Variants in DLGAP2 observed in about 807,000 individuals in gnomAD.
DLGAP2 encodes disks large-associated protein 2.
Under a neutral mutation model 100.3 loss-of-function variants are expected in DLGAP2, and 26 were observed. The ratio of observed to expected loss-of-function variants is 0.26; its 90% CI spans 0.19 to 0.36. The LOEUF is 0.36. Ranked by LOEUF, DLGAP2 falls within the 10% of genes least tolerant of loss-of-function variation. The pLI is 1.00. For synonymous variants in DLGAP2, 886 were observed against 630.1 expected, an observed-to-expected ratio of 1.41 and a Z score of -6.08; for missense variants, 1,858 against 1,453.2, an observed-to-expected ratio of 1.28 and a Z score of -4.53.
At chr8:1,151,157 T>C (rs1307807083) in intron 2 of DLGAP2, among the ~76,000 whole-genome samples, 2 of 152,240 alleles carry the variant, frequency 1.3e-5, no homozygotes. Flanking sequence ...TTTTATTCAC[T>C]TAACCACGTC....
chr8:822,288 C>T (rs1048639890), intron 1 of DLGAP2: 25 of 398,982 alleles, frequency 6.3e-5, no homozygotes, highest in African/African-American at 4.7e-4. Context: ...GTGCTCCACC[C>T]GGGGAGGGGC....
At chr8:1,175,256 C>T (rs1341880095) in intron 2 of DLGAP2, among the ~76,000 whole-genome samples, 1 of 151,866 alleles carries the variant, frequency 6.6e-6, no homozygotes, top group East Asian at 1.9e-4. Flanking sequence ...AAAAAAAAAC[C>T]TAAGAAGTGT....
At chr8:906,859 G>A (rs984017276) in intron 1 of DLGAP2, among the ~76,000 whole-genome samples, 4 of 152,196 alleles carry the variant, frequency 2.6e-5, no homozygotes, top group Non-Finnish European at 4.4e-5. Flanking sequence ...TTCTGTCTCT[G>A]TTGATTTGCA....
intron 2 of DLGAP2, among the ~76,000 whole-genome samples, chr8:993,979 G>C (rs1046142823): frequency 2.6e-5 from 4 of 151,998 alleles, no homozygotes; most frequent in Admixed American, 1.3e-4. Flanking sequence ...TTAGTATAGA[G>C]AATGAAAGTG....
intron 10 of DLGAP2, among the ~76,000 whole-genome samples, chr8:1,673,169 C>A (rs1442893920): frequency 6.6e-6 from 1 of 152,300 alleles, no homozygotes; most frequent in Middle Eastern, 3.4e-3. Context: ...GTGGTGCAAT[C>A]AATCACAGCT....
intron 6 of DLGAP2, among the ~76,000 whole-genome samples, chr8:1,608,859 G>A (rs1175253038): frequency 6.6e-6 from 1 of 150,772 alleles, no homozygotes; most frequent in Non-Finnish European, 1.5e-5. Flanking sequence ...AAAAAGAAAT[G>A]AGCAAAGCCT....
chr8:1,026,476 C>G (rs1397835703), intron 2 of DLGAP2, among the ~76,000 whole-genome samples: 2 of 152,222 alleles, frequency 1.3e-5, no homozygotes, highest in African/African-American at 4.8e-5. Context: ...CTGCTCCGAC[C>G]TGCTCCTGCT....
chr8:821,296 T>C (rs908225572), intron 1 of DLGAP2, among the ~76,000 whole-genome samples: 1 of 152,180 alleles, frequency 6.6e-6, no homozygotes, highest in Non-Finnish European at 1.5e-5. Flanking sequence ...AACATGATCA[T>C]AGTTTTTAAG....
In DLGAP2 at chr8:981,707, A is replaced by T. The variant is rs554776586; in HGVS notation, c.73+73741A>T. Among the ~76,000 whole-genome samples, 5 of 152,124 alleles carry T rather than the reference A, an allele frequency of 3.3e-5. No homozygotes were observed. The South Asian group carries it at 1.0e-3, about 32-fold the overall frequency. On this transcript the variant is annotated intron_variant, in intron 2 of 14. Coordinates refer to ENST00000637795, the MANE Select transcript of DLGAP2 (RefSeq NM_001346810.2). ...AGCACCTTTCATGTATTTATTATCC[A>T]TTTGTTCATCTTTGGAGAAATACTG...
At chr8:981,567 C>T (rs1310664490) in intron 2 of DLGAP2, among the ~76,000 whole-genome samples, 1 of 152,166 alleles carries the variant, frequency 6.6e-6, no homozygotes, top group Non-Finnish European at 1.5e-5. Context: ...TCCAGTTTCT[C>T]TGCATCCTCT....
At chr8:1,512,455 C>T (rs1800199007) in intron 4 of DLGAP2, among the ~76,000 whole-genome samples, 1 of 152,032 alleles carries the variant, frequency 6.6e-6, no homozygotes, top group South Asian at 2.1e-4. Context: ...TGTGGCAGTT[C>T]CGCACTGACC....
At chr8:1,441,171 A>G (rs1422244387) in intron 3 of DLGAP2, among the ~76,000 whole-genome samples, 1 of 152,174 alleles carries the variant, frequency 6.6e-6, no homozygotes, top group African/African-American at 2.4e-5. Context: ...AATATAATTG[A>G]TGTGCAATAT....
chr8:795,431 A>T (rs567526582), intron 1 of DLGAP2, among the ~76,000 whole-genome samples: 1 of 152,302 alleles, frequency 6.6e-6, no homozygotes, highest in South Asian at 2.1e-4. Context: ...CTCAGCACCA[A>T]GCTTGGGGCC....
intron 2 of DLGAP2, among the ~76,000 whole-genome samples, chr8:1,202,644 G>C (rs899740952): frequency 1.3e-5 from 2 of 152,140 alleles, no homozygotes; most frequent in African/African-American, 4.8e-5. Context: ...GGGATGGGGG[G>C]CCAGGCAATG....
chr8:1,181,843 C>G (rs986850515), intron 2 of DLGAP2, among the ~76,000 whole-genome samples: 3 of 152,194 alleles, frequency 2.0e-5, no homozygotes, highest in Non-Finnish European at 4.4e-5. Context: ...GTACCACCTT[C>G]CTCCCTGCAC....
intron 2 of DLGAP2, among the ~76,000 whole-genome samples, chr8:982,344 A>C (rs910759349): frequency 1.2e-4 from 18 of 152,192 alleles, no homozygotes; most frequent in African/African-American, 3.9e-4. Flanking sequence ...TTTTATTTTC[A>C]ACTAGACTCA....
intron 3 of DLGAP2, among the ~76,000 whole-genome samples, chr8:1,373,116 G>A (rs1802286952): frequency 6.6e-6 from 1 of 152,198 alleles, no homozygotes; most frequent in South Asian, 2.1e-4. Flanking sequence ...TGCCTGGGGG[G>A]GCGCCAGCAT....
At chr8:1,554,767 C>T (rs1321189775) in intron 5 of DLGAP2, among the ~76,000 whole-genome samples, 1 of 151,978 alleles carries the variant, frequency 6.6e-6, no homozygotes, top group Admixed American at 6.5e-5. Flanking sequence ...CCCACGCGCC[C>T]CAGCCCCCCC....
chr8:1,247,217 G>GT (rs1798928821), intron 2 of DLGAP2: 1 of 13,156 alleles, frequency 7.6e-5, no homozygotes, highest in Admixed American at 2.8e-3. Flanking sequence ...AGATCAGTGT[G>GT]GAGTGATGGT....
Sources: gnomAD v4.1 joint callset for allele counts (sites outside exome capture counted in the v4.1 genomes callset) on GRCh38, gnomAD v4.1.1 for gene constraint, MANE v1.5 for transcripts, NCBI Gene and HGNC (gene_info 2026-07-23, HGNC 2026-07-21) for gene names.